TSHZ2: variants seen among roughly 807,000 people sequenced by gnomAD.
TSHZ2 encodes teashirt homolog 2.
In TSHZ2, 21 loss-of-function variants were observed where a neutral mutation model predicts 74.4. The observed-to-expected ratio is 0.28, with a 90% CI of 0.20 to 0.41. TSHZ2 has a LOEUF of 0.41. TSHZ2 is among the 10% of genes least tolerant of loss of function. The pLI, the probability that TSHZ2 is intolerant of heterozygous loss-of-function variation, is 1.00. For synonymous variants in TSHZ2, 540 were observed against 515.3 expected, an observed-to-expected ratio of 1.05 and a Z score of -0.65; for missense variants, 1,244 against 1,293.5, an observed-to-expected ratio of 0.96 and a Z score of 0.59.
At chr20:53,190,105 ATATATATATATATATATATAT>A (rs1988695248) in intron 1 of TSHZ2, among the ~76,000 whole-genome samples, 1 of 62,710 alleles carries the variant, frequency 1.6e-5, no homozygotes, top group Non-Finnish European at 2.9e-5. Flanking sequence ...ATATATATAT[ATATATATATATATATATATAT>A]ATATATATAT....
intron 1 of TSHZ2, among the ~76,000 whole-genome samples, chr20:53,038,546 C>G (rs144541920): frequency 1.1e-4 from 16 of 152,180 alleles, no homozygotes; most frequent in African/African-American, 3.9e-4. Flanking sequence ...GACATAATGG[C>G]TGCCTTTTCT....
chr20:53,472,461 A>T lies in TSHZ2; in HGVS notation c.*9-14683A>T, dbSNP rs6022509. 2.6e-5 allele frequency among the ~76,000 whole-genome samples: 4 copies of T among 152,032 alleles called. No individual in the cohort carries two copies. In the East Asian group the frequency reaches 5.8e-4, roughly 22 times the overall value. The stretch of plus-strand genomic sequence containing the variant: ...GAGGAATACAGAGGGGTACAGAATA[A>T]GGATTGGGGGTGCAAGCACCCTGTT... On this transcript the variant is annotated intron_variant, in intron 2 of 2. Coordinates refer to ENST00000371497, the MANE Select transcript of TSHZ2 (RefSeq NM_173485.6).
chr20:53,391,134 T>C (rs1012343004), intron 2 of TSHZ2, among the ~76,000 whole-genome samples: 6 of 148,368 alleles, frequency 4.0e-5, no homozygotes, highest in African/African-American at 1.3e-4. Context: ...TGTTTTGTTT[T>C]GTTTTGTTTT....
chr20:53,335,520 A>G (rs1001221874), intron 2 of TSHZ2, among the ~76,000 whole-genome samples: 1 of 152,252 alleles, frequency 6.6e-6, no homozygotes, highest in African/African-American at 2.4e-5. Context: ...AGAGAGGTAG[A>G]AAACTCAATG....
intron 2 of TSHZ2, among the ~76,000 whole-genome samples, chr20:53,424,594 A>G (rs558945434): frequency 6.6e-6 from 1 of 152,006 alleles, no homozygotes; most frequent in Admixed American, 6.6e-5. Context: ...TCTGGGGTAC[A>G]TGTGCAAGAT....
intron 1 of TSHZ2, among the ~76,000 whole-genome samples, chr20:53,038,908 G>GTTTGGTTT (rs146845423): frequency 8.8e-5 from 13 of 148,004 alleles, no homozygotes; most frequent in South Asian, 6.5e-4. Context: ...TTGTTTGTTT[G>GTTTGGTTT]TTTTTGAGAT....
At chr20:53,406,278 A>C (rs984270597) in intron 2 of TSHZ2, among the ~76,000 whole-genome samples, 2 of 152,242 alleles carry the variant, frequency 1.3e-5, no homozygotes, top group Admixed American at 6.5e-5. Flanking sequence ...GGCACCATCT[A>C]TGTAGACTCT....
intron 2 of TSHZ2, chr20:53,455,558 TTTTC>T (rs1376203443): frequency 2.6e-5 from 4 of 152,270 alleles, no homozygotes; most frequent in African/African-American, 4.8e-5. Context: ...TTGAATATGT[TTTTC>T]TTTTTTTATT....
In TSHZ2 at chr20:53,253,301, G is replaced by GAAA. The variant is rs11290209; in HGVS notation, c.41-181_41-179dup. On this transcript the variant is annotated intron_variant, in intron 1 of 2. Transcript: ENST00000371497. ...TAAAGAATTATGACTCCTGCCAATTGAAAAAAAAAAAAAAAAAAACACTAG... is the reference window on the plus strand; with the variant it reads ...TAAAGAATTATGACTCCTGCCAATTGAAAAAAAAAAAAAAAAAAAAAACACTAG... Among the ~76,000 whole-genome samples the GAAA allele has an allele frequency of 7.5e-3, 729 of 97,558 alleles. 24 individuals are homozygous for GAAA. In the East Asian group the frequency reaches 0.098, roughly 13 times the overall value. 64.0% of individuals were successfully genotyped at this position (97,558 alleles called of 152,430 possible). A position where few individuals can be genotyped will look rare whatever the true frequency, so the allele number is the denominator to read the frequency against.
chr20:53,077,569 A>G (rs1314170037), intron 1 of TSHZ2, among the ~76,000 whole-genome samples: 1 of 152,060 alleles, frequency 6.6e-6, no homozygotes, highest in African/African-American at 2.4e-5. Flanking sequence ...GCAATTCTGG[A>G]TGATCCAGAG....
intron 2 of TSHZ2, among the ~76,000 whole-genome samples, chr20:53,458,427 A>G (rs1261423349): frequency 4.6e-5 from 7 of 151,972 alleles, no homozygotes; most frequent in African/African-American, 1.7e-4. Context: ...ATTTTTTATT[A>G]CATCTATTTG....
chr20:53,097,367 A>G (rs1017941264), intron 1 of TSHZ2, among the ~76,000 whole-genome samples: 1 of 152,188 alleles, frequency 6.6e-6, no homozygotes, highest in African/African-American at 2.4e-5. Flanking sequence ...TCAAGGCCAG[A>G]TATAATACCC....
intron 1 of TSHZ2, among the ~76,000 whole-genome samples, chr20:53,251,862 G>A (rs1393897347): frequency 6.6e-6 from 1 of 152,160 alleles, no homozygotes; most frequent in African/African-American, 2.4e-5. Context: ...TCTCATCAAA[G>A]GGTTCTTCTT....
chr20:53,137,088 A>T (rs1324155069), intron 1 of TSHZ2, among the ~76,000 whole-genome samples: 1 of 152,138 alleles, frequency 6.6e-6, no homozygotes, highest in African/African-American at 2.4e-5. Flanking sequence ...CCGAAAAATT[A>T]AAATACATGC....
chr20:53,294,481 AAG>A lies in TSHZ2; in HGVS notation c.*8+37924_*8+37925del, dbSNP rs568969397. Among the ~76,000 whole-genome samples, 54 of 151,954 alleles carry A rather than the reference AAG, an allele frequency of 3.6e-4. 1 individual carries two copies. Among genetic ancestry groups the A allele is most frequent in the Admixed American group, 5.2e-4 (8 of 15,250 alleles). On this transcript the variant is annotated intron_variant, in intron 2 of 2. Coordinates refer to ENST00000371497, the MANE Select transcript of TSHZ2 (RefSeq NM_173485.6). ...GAAGTCCACAAGCTTATAAAAAAAA[AAG>A]AGAGAGAGAGAGACAGAGAGTATTT...
At chr20:53,381,296 G>C (rs1265564905) in intron 2 of TSHZ2, among the ~76,000 whole-genome samples, 2 of 152,140 alleles carry the variant, frequency 1.3e-5, no homozygotes, top group Non-Finnish European at 2.9e-5. Context: ...CATCCACAAA[G>C]ACCTCACATA....
At chr20:53,007,734 A>G (rs542467761) in intron 1 of TSHZ2, among the ~76,000 whole-genome samples, 1 of 127,236 alleles carries the variant, frequency 7.9e-6, no homozygotes, top group African/African-American at 3.0e-5. Flanking sequence ...GTGTATGTAT[A>G]TTCGTGTGTG....
In TSHZ2 at chr20:53,387,507, C is replaced by T. The variant is rs561575974; in HGVS notation, c.*9-99637C>T. Among the ~76,000 whole-genome samples the T allele has an allele frequency of 2.2e-3, 328 of 152,212 alleles. 2 individuals carry two copies. Among genetic ancestry groups the T allele is most frequent in the African/African-American group, 7.7e-3 (318 of 41,546 alleles). On this transcript the variant is annotated intron_variant, in intron 2 of 2. Transcript: ENST00000371497. The stretch of plus-strand genomic sequence containing the variant: ...CAGTCACAGGAAAAGACCATTTTTC[C>T]ATTTGTTCTCTAGGCAAAGGCCAGC...
chr20:53,340,269 G>A (rs1403072870), intron 2 of TSHZ2, among the ~76,000 whole-genome samples: 4 of 132,292 alleles, frequency 3.0e-5, no homozygotes, highest in East Asian at 2.3e-4. Context: ...TGCAAACTCC[G>A]CCTCCCAAGT....
Sources: allele counts gnomAD v4.1 joint callset (sites outside exome capture counted in the v4.1 genomes callset), GRCh38; gene constraint gnomAD v4.1.1; transcripts MANE v1.5; gene names NCBI Gene and HGNC (gene_info 2026-07-23, HGNC 2026-07-21).